TIPIN: variants seen among roughly 807,000 people sequenced by gnomAD.
The protein encoded by TIPIN is TIMELESS-interacting protein.
In TIPIN, 29 loss-of-function variants were observed where a neutral mutation model predicts 35.6. The observed-to-expected ratio is 0.82, with a 90% CI of 0.61 to 1.11. TIPIN has a LOEUF of 1.11. TIPIN is among the 50% of genes most tolerant of loss of function. The pLI is 0.00. For synonymous variants in TIPIN, 102 were observed against 121.5 expected, an observed-to-expected ratio of 0.84 and a Z score of 1.06; for missense variants, 296 against 345.4, an observed-to-expected ratio of 0.86 and a Z score of 1.13.
chr15:66,342,186 CAAA>C (rs55711983), intron 6 of TIPIN, among the ~76,000 whole-genome samples: 20 of 108,508 alleles, frequency 1.8e-4, no homozygotes, highest in East Asian at 3.0e-4. Context: ...AAGACTGTCT[CAAA>C]AAAAAAAAAA....
intron 1 of TIPIN, among the ~76,000 whole-genome samples, chr15:66,353,599 GACC>G (rs1309375044): frequency 7.3e-6 from 1 of 137,484 alleles, no homozygotes; most frequent in Non-Finnish European, 1.5e-5. Flanking sequence ...CTGGGCGACA[GACC>G]AACACTCTGT....
intron 6 of TIPIN, among the ~76,000 whole-genome samples, chr15:66,346,204 T>A (rs1347560052): frequency 1.3e-5 from 2 of 151,508 alleles, no homozygotes; most frequent in Middle Eastern, 3.4e-3. Context: ...CGTCTTGGCC[T>A]CCCAAAGTGC....
intron 1 of TIPIN, among the ~76,000 whole-genome samples, chr15:66,384,089 C>T (rs1202550676): frequency 2.6e-5 from 4 of 151,696 alleles, no homozygotes; most frequent in East Asian, 3.9e-4. Context: ...CTCCACCTCC[C>T]GGGTTCACAC....
intron 1 of TIPIN, chr15:66,386,360 A>C (rs867945524): frequency 1.3e-5 from 2 of 152,146 alleles, no homozygotes; most frequent in Admixed American, 6.5e-5. Context: ...CTGTCGCAAC[A>C]ATTTACAATC....
At chr15:66,355,140 T>C (rs1313126364) in intron 1 of TIPIN, among the ~76,000 whole-genome samples, 1 of 150,970 alleles carries the variant, frequency 6.6e-6, no homozygotes, top group African/African-American at 2.4e-5. Flanking sequence ...TTCTCGCCAT[T>C]CTCCTGCCTC....
intron 1 of TIPIN, among the ~76,000 whole-genome samples, chr15:66,386,022 G>T (rs939747698): frequency 1.3e-5 from 2 of 151,930 alleles, no homozygotes; most frequent in Non-Finnish European, 2.9e-5. Flanking sequence ...CCTCTTGCCT[G>T]GGCCTCCCAA....
intron 6 of TIPIN, among the ~76,000 whole-genome samples, chr15:66,346,370 T>G (rs548761240): frequency 6.6e-6 from 1 of 151,902 alleles, no homozygotes. Context: ...TGACCTCTAC[T>G]GTTCATTCAA....
chr15:66,364,883 T>C (rs1222293500), intron 1 of TIPIN, among the ~76,000 whole-genome samples: 1 of 141,400 alleles, frequency 7.1e-6, no homozygotes, highest in Non-Finnish European at 1.5e-5. Flanking sequence ...GGAGAATTGC[T>C]TGAACCCGAG....
intron 1 of TIPIN, among the ~76,000 whole-genome samples, chr15:66,371,807 G>A (rs897163571): frequency 2.6e-5 from 4 of 151,256 alleles, no homozygotes; most frequent in African/African-American, 9.7e-5. Flanking sequence ...GTGAGCCACC[G>A]TGCCTGGCCT....
chr15:66,364,323 G>A (rs902224373), intron 1 of TIPIN, among the ~76,000 whole-genome samples: 2 of 151,610 alleles, frequency 1.3e-5, no homozygotes, highest in African/African-American at 4.8e-5. Flanking sequence ...GCGCCGCCAT[G>A]CCCAGCTAAT....
At chr15:66,361,862 T>C (rs1389685518) in intron 1 of TIPIN, among the ~76,000 whole-genome samples, 1 of 150,974 alleles carries the variant, frequency 6.6e-6, no homozygotes, top group Non-Finnish European at 1.5e-5. Context: ...ACAAGTTAGC[T>C]GGGTGTGGTG....
chr15:66,338,209 T>A (rs1360416378), intron 7 of TIPIN, among the ~76,000 whole-genome samples: 1 of 149,980 alleles, frequency 6.7e-6, no homozygotes, highest in East Asian at 2.0e-4. Context: ...TGGGCCGAGA[T>A]CAGCAACTGC....
Position 66,351,639 on chromosome 15 carries a change from TTC to T in TIPIN, c.213-41_213-40del, listed in dbSNP as rs1491218324. On this transcript the variant is annotated intron_variant, in intron 3 of 7. Coordinates refer to ENST00000261881, the MANE Select transcript of TIPIN (RefSeq NM_017858.3). ...TATGTTTTTAATTTCAAGTTTTATTTTCTTTTTTTTTTTTTTGAGACGGAGTC... is the reference window on the plus strand; with the variant it reads ...TATGTTTTTAATTTCAAGTTTTATTTTTTTTTTTTTTTTTGAGACGGAGTC... 9 of 1,377,086 alleles carry T rather than the reference TTC, an allele frequency of 6.5e-6. No homozygotes were observed. The African/African-American group carries it at 1.9e-4, about 29-fold the overall frequency. 85.3% of individuals were successfully genotyped at this position (1,377,086 alleles called of 1,614,324 possible).
chr15:66,369,551 T>C (rs1348268450), intron 1 of TIPIN, among the ~76,000 whole-genome samples: 1 of 151,812 alleles, frequency 6.6e-6, no homozygotes, highest in Non-Finnish European at 1.5e-5. Context: ...GGTTTCACCA[T>C]GTTAGCCAGG....
intron 1 of TIPIN, among the ~76,000 whole-genome samples, chr15:66,356,169 G>C (rs1226973044): frequency 6.6e-6 from 1 of 151,954 alleles, no homozygotes; most frequent in Non-Finnish European, 1.5e-5. Context: ...CCAAAGAGAC[G>C]CCCCTCATCG....
chr15:66,378,650 CAAAATAAA>C lies in TIPIN; in HGVS notation c.-9+7949_-9+7956del, dbSNP rs537236641. Among the ~76,000 whole-genome samples, 274 of 150,662 alleles carry C rather than the reference CAAAATAAA, an allele frequency of 1.8e-3. 1 individual carries two copies. Among genetic ancestry groups the C allele is most frequent in the African/African-American group, 6.2e-3 (257 of 41,208 alleles). On this transcript the variant is annotated intron_variant, in intron 1 of 7. Transcript: ENST00000562124. ...CTTTCTTCAAATGTTTTTCTCATTC[CAAAATAAA>C]AAAAAAAATTTCCCATGATCTTATC...
intron 1 of TIPIN, among the ~76,000 whole-genome samples, chr15:66,371,884 T>C (rs533770945): frequency 6.6e-6 from 1 of 152,134 alleles, no homozygotes; most frequent in African/African-American, 2.4e-5. Context: ...AACCTCAATC[T>C]CCCCAGCTCA....
chr15:66,356,837 T>C, upstream of TIPIN: 1 of 529,078 alleles, frequency 1.9e-6, no homozygotes, highest in Non-Finnish European at 2.4e-6. Flanking sequence ...TCCCACAATT[T>C]CCGCCCTACT....
chr15:66,344,941 C>T (rs534583972), intron 6 of TIPIN, among the ~76,000 whole-genome samples: 1 of 152,284 alleles, frequency 6.6e-6, no homozygotes, highest in Admixed American at 6.5e-5. Context: ...CTGCAACATT[C>T]ATTGGCAAGT....
Sources: allele counts gnomAD v4.1 joint callset (sites outside exome capture counted in the v4.1 genomes callset), GRCh38; gene constraint gnomAD v4.1.1; transcripts MANE v1.5; gene names NCBI Gene and HGNC (gene_info 2026-07-23, HGNC 2026-07-21).